NME6: variants seen among roughly 807,000 people sequenced by gnomAD.
The protein encoded by NME6 is nucleoside diphosphate kinase 6, mitochondrial.
In NME6, 16 loss-of-function variants were observed where a neutral mutation model predicts 22.2. The ratio of observed to expected loss-of-function variants is 0.72; its 90% CI spans 0.49 to 1.09. The LOEUF is 1.09. Ranked by LOEUF, NME6 falls within the 50% of genes least tolerant of loss-of-function variation. The pLI, the probability that NME6 is intolerant of heterozygous loss-of-function variation, is 0.00. For synonymous variants in NME6, 58 were observed against 85.2 expected (o/e 0.68, Z 1.76); for missense variants, 229 against 239.0 (o/e 0.96, Z 0.28).
rs762940733 is a variant in NME6, at chr3:48,295,147, G to A, written c.322C>T (p.Arg108Cys). 40 of 1,614,162 alleles carry A rather than the reference G, an allele frequency of 2.5e-5. No homozygotes were observed. The highest frequency in any genetic ancestry group is 1.8e-4 in the East Asian group (8 of 44,888). Residue 108 changes from arginine (R) to cysteine (C), a missense_variant, in exon 5 of 6, where the codon CGC becomes TGC. Coordinates refer to ENST00000442597, the MANE Select transcript of NME6 (RefSeq NM_001308426.2). ...LMGPTRVFRA[R>C]HVAPDSIRGS... ...CGGATAGAATCTGGGGCCACATGGC[G>A]TGCTCGGAACACTCTGGTGGGTCCC...
chr3:48,299,607 T>C (rs2107012805), intron 1 of NME6, among the ~76,000 whole-genome samples: 1 of 152,168 alleles, frequency 6.6e-6, no homozygotes, highest in Middle Eastern at 3.4e-3. Flanking sequence ...TGTGTGTATA[T>C]ATATAAAATC....
At chr3:48,291,333 G>A (rs927778818), downstream of NME6, 2 of 477,938 alleles carry the variant, frequency 4.2e-6, no homozygotes, top group Non-Finnish European at 8.4e-6. Flanking sequence ...CTAAGCATTC[G>A]CTTCATGGTC....
Position 48,296,164 on chromosome 3 carries a change from AAGAG to A in NME6, c.194-10_194-7del. 1 of 1,614,238 alleles carries A rather than the reference AAGAG, an allele frequency of 6.2e-7. No individual in the cohort carries two copies. The highest frequency in any genetic ancestry group is 8.5e-7 in the Non-Finnish European group (1 of 1,180,030). ...CCTCTGATAGAAAAAACGCCCTGCA[AAGAG>A]AGAGGACCTTCATCAAGATACCTTC... On this transcript the variant is annotated splice_polypyrimidine_tract_variant and splice_region_variant and intron_variant, in intron 3 of 5. Transcript: ENST00000442597.
intron 1 of NME6, among the ~76,000 whole-genome samples, chr3:48,300,938 C>T (rs1376853474): frequency 2.0e-5 from 3 of 152,094 alleles, no homozygotes; most frequent in African/African-American, 7.2e-5. Context: ...GTCACAGCTA[C>T]TAGGGAGGCT....
downstream of NME6, among the ~76,000 whole-genome samples, chr3:48,289,698 A>T (rs2034325181): frequency 6.6e-6 from 1 of 152,244 alleles, no homozygotes; most frequent in South Asian, 2.1e-4. Flanking sequence ...GTGGCTACAC[A>T]GCAATACTGT....
intron 1 of NME6, among the ~76,000 whole-genome samples, chr3:48,300,890 A>G (rs998686214): frequency 1.2e-4 from 18 of 152,100 alleles, no homozygotes; most frequent in Non-Finnish European, 1.5e-5. Context: ...TACTAAAAAT[A>G]CAAAAAAATT....
chr3:48,298,510 A>T lies in NME6; in HGVS notation c.7T>A (p.Ser3Thr), dbSNP rs376455498. The T allele has an allele frequency of 1.2e-4, 187 of 1,604,186 alleles. No homozygotes were observed. In the East Asian group the frequency reaches 3.5e-3, roughly 30 times the overall value. ...AGAGCCTGAGGGCTTCGCAAGATTG[A>T]GGCCATCTCACTCCTGCCATTAGAG... MASILRSPQALQL... is the reference protein window; with the variant it reads MATILRSPQALQL... Residue 3 changes from serine to threonine, a missense_variant, in exon 2 of 6, where the codon TCA becomes ACA. Physicochemically the swap from Ser to Thr is moderately conservative, Grantham distance 58. Coordinates refer to ENST00000442597, the MANE Select transcript of NME6 (RefSeq NM_001308426.2).
At position 48,293,512 on chromosome 3, in the gene NME6, T is replaced by C. The variant is rs1234379069; in HGVS notation, c.*1125A>G. 3 of 152,236 alleles carry C rather than the reference T, an allele frequency of 2.0e-5. No individual in the cohort carries two copies. The highest frequency in any genetic ancestry group is 4.4e-5 in the Non-Finnish European group (3 of 68,042). The allele number at this position is 152,236 out of a possible 1,614,324, so 9.4% of individuals were successfully genotyped here. A position where few individuals can be genotyped will look rare whatever the true frequency, so the allele number is the denominator to read the frequency against. ...TCCTGAAAATGAACAGACTGTCTAG[T>C]GCCCCAGACCCCTGCTATGGATACC... On this transcript the variant is annotated 3_prime_UTR_variant, in exon 6 of 6. Transcript: ENST00000442597.
Position 48,292,968 on chromosome 3 carries a change from T to C in NME6, c.*1669A>G, listed in dbSNP as rs2034662244. The C allele has an allele frequency of 6.6e-6, 1 of 152,292 alleles. No individual in the cohort carries two copies. The highest frequency in any genetic ancestry group is 2.1e-4 in the South Asian group (1 of 4,830). The allele number at this position is 152,292 out of a possible 1,614,324, so 9.4% of individuals were successfully genotyped here. ...TGTAACACTTTCCTGGGCCTGCCAGTATTGCCCTGTGGGACTTGGAGGGCA... is the reference window on the plus strand; with the variant it reads ...TGTAACACTTTCCTGGGCCTGCCAGCATTGCCCTGTGGGACTTGGAGGGCA... On this transcript the variant is annotated 3_prime_UTR_variant, in exon 6 of 6. Transcript: ENST00000442597.
In NME6 at chr3:48,295,169, T is replaced by TC; in HGVS notation, c.299dup (p.Pro101ThrfsTer23). On this transcript the variant is annotated frameshift_variant, in exon 5 of 6. Coordinates refer to ENST00000442597, the MANE Select transcript of NME6 (RefSeq NM_001308426.2). LOFTEE classifies it high-confidence loss of function. Reference sequence around the variant, plus strand: ...GGCGTGCTCGGAACACTCTGGTGGGTCCCATGAGCGTCCTCCAGAGCTGGA... The same window carrying TC: ...GGCGTGCTCGGAACACTCTGGTGGGTCCCCATGAGCGTCCTCCAGAGCTGGA... 1 of 1,614,010 alleles carries TC rather than the reference T, an allele frequency of 6.2e-7. No homozygotes were observed. The highest frequency in any genetic ancestry group is 8.5e-7 in the Non-Finnish European group (1 of 1,179,996).
chr3:48,296,598 T>C, intron 3 of NME6, 129 bp downstream of exon 3: 1 of 669,536 alleles, frequency 1.5e-6, no homozygotes, highest in Admixed American at 2.9e-5. Flanking sequence ...TAAACCAAGA[T>C]TTTAGAAAAC....
downstream of NME6, chr3:48,290,991 G>A: frequency 3.5e-6 from 1 of 288,474 alleles, no homozygotes; most frequent in Non-Finnish European, 6.8e-6. Flanking sequence ...GTGGTAATTT[G>A]GTAATCGTTC....
chr3:48,299,524 G>T (rs550285719), intron 1 of NME6, among the ~76,000 whole-genome samples: 1 of 151,974 alleles, frequency 6.6e-6, no homozygotes, highest in South Asian at 2.1e-4. Context: ...AGTTTGACCT[G>T]GGCAACAAAG....
rs780938187 is a variant in NME6, at chr3:48,296,164, AAG to A, written c.194-8_194-7del. On this transcript the variant is annotated splice_polypyrimidine_tract_variant and splice_region_variant and intron_variant, in intron 3 of 5. Coordinates refer to ENST00000442597, the MANE Select transcript of NME6 (RefSeq NM_001308426.2). ...CCTCTGATAGAAAAAACGCCCTGCAAAGAGAGAGGACCTTCATCAAGATACCT... is the reference window on the plus strand; with the variant it reads ...CCTCTGATAGAAAAAACGCCCTGCAAAGAGAGGACCTTCATCAAGATACCT... The A allele has an allele frequency of 1.1e-4, 176 of 1,614,120 alleles. 1 individual carries two copies. The highest frequency in any genetic ancestry group is 1.5e-4 in the South Asian group (14 of 91,092).
chr3:48,296,658 C>T (rs566170998), intron 3 of NME6, 69 bp downstream of exon 3: 97 of 1,073,770 alleles, frequency 9.0e-5, no homozygotes, highest in South Asian at 1.4e-4. Flanking sequence ...CCATTGTGTT[C>T]CAGGTAAAAT....
chr3:48,301,179 C>CT (rs1560008222), intron 1 of NME6, 174 bp downstream of exon 1: 1 of 1,311,018 alleles, frequency 7.6e-7, no homozygotes, highest in Non-Finnish European at 1.0e-6. Context: ...CCCCTACCCC[C>CT]GTGGCCACGC....
At chr3:48,291,542 C>G (rs1232671209), downstream of NME6, 1 of 172,638 alleles carries the variant, frequency 5.8e-6, no homozygotes, top group African/African-American at 2.4e-5. Flanking sequence ...CCACACCCAG[C>G]TAAGTTTTTT....
chr3:48,301,069 T>C (rs1425500039), intron 1 of NME6, among the ~76,000 whole-genome samples: 1 of 151,210 alleles, frequency 6.6e-6, no homozygotes, highest in African/African-American at 2.4e-5. Context: ...AAAGTAAAGC[T>C]GTCGGTACAC....
At chr3:48,295,510 C>T in intron 4 of NME6, 1 of 416,918 alleles carries the variant, frequency 2.4e-6, no homozygotes, top group Non-Finnish European at 4.3e-6. Flanking sequence ...CAGTGACAGC[C>T]CCAAACCCGT....
Sources: gnomAD v4.1 joint callset for allele counts (sites outside exome capture counted in the v4.1 genomes callset) on GRCh38, gnomAD v4.1.1 for gene constraint, MANE v1.5 for transcripts, NCBI Gene and HGNC (gene_info 2026-07-23, HGNC 2026-07-21) for gene names.